The following SLC2A9 variants were observed in gnomAD, a reference collection of about 807,000 sequenced individuals.
SLC2A9 encodes the protein solute carrier family 2 member 9, also known as solute carrier family 2, facilitated glucose transporter member 9.
SLC2A9 carries 39 observed loss-of-function variants against 50.6 expected under a neutral mutation model. That is an observed-to-expected ratio of 0.77 (90% CI 0.60 to 1.01). SLC2A9 has a LOEUF of 1.01. Among genes scored for constraint, SLC2A9 ranks in the 50% least tolerant of loss-of-function variants. SLC2A9 has a pLI of 0.00. For missense variants in SLC2A9, 686 were observed against 677.6 expected, an observed-to-expected ratio of 1.01 and a Z score of -0.14; for synonymous variants, 324 against 276.9, an observed-to-expected ratio of 1.17 and a Z score of -1.69.
downstream of SLC2A9, among the ~76,000 whole-genome samples, chr4:9,824,755 T>A (rs1431480205): frequency 6.6e-6 from 1 of 152,226 alleles, no homozygotes; most frequent in African/African-American, 2.4e-5. Context: ...ATTGCCTAAA[T>A]TCTCAAGTCT....
Position 10,005,933 on chromosome 4 carries a change from A to G in SLC2A9, c.250-8992T>C, listed in dbSNP as rs115046939. Reference sequence around the variant, plus strand: ...CCTCAGGTTCCTCATCTGTTAAATCATTGCCCTCCTTGAAGAGTTACTGTG... The same window carrying G: ...CCTCAGGTTCCTCATCTGTTAAATCGTTGCCCTCCTTGAAGAGTTACTGTG... On this transcript the variant is annotated intron_variant, in intron 2 of 11. Transcript: ENST00000264784. Among the ~76,000 whole-genome samples, 551 of 152,332 alleles carry G rather than the reference A, an allele frequency of 3.6e-3. 6 individuals are homozygous for G. Among genetic ancestry groups the G allele is most frequent in the African/African-American group, 0.012 (496 of 41,570 alleles).
chr4:9,845,368 A>C (rs1728792175), intron 10 of SLC2A9, among the ~76,000 whole-genome samples: 1 of 151,330 alleles, frequency 6.6e-6, no homozygotes. Flanking sequence ...CAACTGCCCA[A>C]GCTTTTCCTT....
intron 4 of SLC2A9, among the ~76,000 whole-genome samples, chr4:9,985,039 T>G (rs1231457689): frequency 1.3e-5 from 2 of 152,180 alleles, no homozygotes; most frequent in African/African-American, 2.4e-5. Flanking sequence ...GTTCTCACCC[T>G]TGGCTCCTCT....
At chr4:9,870,208 T>C (rs1733189272) in intron 10 of SLC2A9, among the ~76,000 whole-genome samples, 1 of 152,242 alleles carries the variant, frequency 6.6e-6, no homozygotes, top group Non-Finnish European at 1.5e-5. Context: ...GGAGAACACA[T>C]TGCTGTCATT....
intron 7 of SLC2A9, among the ~76,000 whole-genome samples, chr4:9,918,994 C>T (rs993368753): frequency 6.6e-6 from 1 of 151,976 alleles, no homozygotes. Flanking sequence ...TGAAGTTATA[C>T]GGGGGATGCA....
chr4:9,891,469 G>T (rs1429875425), intron 8 of SLC2A9, among the ~76,000 whole-genome samples: 1 of 152,178 alleles, frequency 6.6e-6, no homozygotes, highest in African/African-American at 2.4e-5. Flanking sequence ...AAGCCCCAGG[G>T]CCTTTATCTG....
chr4:9,931,167 A>T (rs1745825443), intron 6 of SLC2A9, among the ~76,000 whole-genome samples: 1 of 152,212 alleles, frequency 6.6e-6, no homozygotes, highest in African/African-American at 2.4e-5. Context: ...CAAGTCATTT[A>T]AAAATAGTTC....
intron 1 of SLC2A9, among the ~76,000 whole-genome samples, chr4:9,773,103 C>T (rs1230406996): frequency 6.6e-6 from 1 of 152,166 alleles, no homozygotes; most frequent in Non-Finnish European, 1.5e-5. Context: ...CTGAGTTAGC[C>T]ATTTTAACCT....
chr4:10,019,456 T>C (rs1244135857), intron 1 of SLC2A9, among the ~76,000 whole-genome samples: 1 of 152,184 alleles, frequency 6.6e-6, no homozygotes, highest in East Asian at 1.9e-4. Context: ...CCAGGCGTGA[T>C]TCTAAGCACT....
intron 5 of SLC2A9, among the ~76,000 whole-genome samples, chr4:9,970,568 G>A (rs1169388179): frequency 2.0e-5 from 3 of 152,096 alleles, no homozygotes; most frequent in South Asian, 4.1e-4. Context: ...CAAGGTTCCT[G>A]GAACCCAGCT....
At chr4:9,843,140 G>C (rs1012640801) in intron 10 of SLC2A9, among the ~76,000 whole-genome samples, 4 of 152,140 alleles carry the variant, frequency 2.6e-5, no homozygotes, top group African/African-American at 9.7e-5. Context: ...TGGGCTGAGA[G>C]AGCTGGGGAA....
intron 6 of SLC2A9, among the ~76,000 whole-genome samples, chr4:9,929,349 C>A (rs1189086954): frequency 6.6e-6 from 1 of 152,190 alleles, no homozygotes; most frequent in Non-Finnish European, 1.5e-5. Flanking sequence ...GGGGAGACTT[C>A]TATGGGCAAA....
At chr4:9,845,421 C>A (rs1024616769) in intron 10 of SLC2A9, among the ~76,000 whole-genome samples, 7 of 138,632 alleles carry the variant, frequency 5.0e-5, no homozygotes, top group Admixed American at 7.1e-5. Context: ...CCACGATCAT[C>A]AATTTCTTTT....
intron 5 of SLC2A9, among the ~76,000 whole-genome samples, chr4:9,955,087 C>G (rs1454347700): frequency 6.6e-6 from 1 of 152,152 alleles, no homozygotes; most frequent in Non-Finnish European, 1.5e-5. Flanking sequence ...AGTAAACACA[C>G]GGCGTGTGCG....
chr4:9,888,369 T>C (rs890980390), intron 9 of SLC2A9, among the ~76,000 whole-genome samples: 4 of 151,962 alleles, frequency 2.6e-5, no homozygotes, highest in African/African-American at 9.7e-5. Context: ...GTTCTGATAT[T>C]ATTACATAAA....
intron 3 of SLC2A9, among the ~76,000 whole-genome samples, chr4:9,787,520 C>A (rs1328736473): frequency 3.3e-5 from 5 of 152,118 alleles, no homozygotes; most frequent in African/African-American, 1.2e-4. Context: ...GATGTGATGC[C>A]CATTTACTCT....
Position 9,920,513 on chromosome 4 carries a change from C to T in SLC2A9, c.874G>A (p.Glu292Lys). The T allele has an allele frequency of 2.5e-6, 4 of 1,614,198 alleles. No homozygotes were observed. The highest frequency in any genetic ancestry group is 2.5e-6 in the Non-Finnish European group (3 of 1,180,036). ...VSQEVEEVLA[E>K]SRVQRSIRLV... ...CGGATGCTCCTCTGCACGCGGCTCT[C>T]AGCCAGGACCTCCTCTACCTCTTGG... The change falls in exon 7 of 12, where the codon GAG (glutamate) becomes AAG (lysine). Residue 292 changes from glutamate (E) to lysine (K), a missense_variant. Coordinates refer to ENST00000264784, the MANE Select transcript of SLC2A9 (RefSeq NM_020041.3).
downstream of SLC2A9, among the ~76,000 whole-genome samples, chr4:9,821,893 G>A (rs1170309679): frequency 1.3e-5 from 2 of 152,198 alleles, no homozygotes; most frequent in African/African-American, 4.8e-5. Flanking sequence ...TTTTAGCTAA[G>A]AATTCTGCTT....
Position 9,920,572 on chromosome 4 carries a change from G to T in SLC2A9, c.815C>A (p.Ala272Asp). Reference sequence around the variant, plus strand: ...TGCTTTACCCAAGAACGTTTGGAAGGCTGCAAACAGAGGCACACATGGACT... The same window carrying T: ...TGCTTTACCCAAGAACGTTTGGAAGTCTGCAAACAGAGGCACACATGGACT... ...EKHNEARAVK[A>D]FQTFLGKADV... is the part of the protein sequence containing the mutation. The change falls in exon 7 of 12, where the codon GCC (alanine) becomes GAC (aspartate). Residue 272 changes from alanine (A) to aspartate (D), a missense_variant and splice_region_variant. Physicochemically the swap from Ala to Asp is moderately radical, Grantham distance 126. Coordinates refer to ENST00000264784, the MANE Select transcript of SLC2A9 (RefSeq NM_020041.3). 6.2e-7 allele frequency: 1 copy of T among 1,614,124 alleles called. No individual in the cohort carries two copies. The highest frequency in any genetic ancestry group is 2.2e-5 in the East Asian group (1 of 44,882).
Sources: gnomAD v4.1 joint callset for allele counts (sites outside exome capture counted in the v4.1 genomes callset) on GRCh38, gnomAD v4.1.1 for gene constraint, MANE v1.5 for transcripts, NCBI Gene and HGNC (gene_info 2026-07-23, HGNC 2026-07-21) for gene names.